LOXHD1: variants seen among roughly 807,000 people sequenced by gnomAD.
LOXHD1 encodes the protein lipoxygenase homology domain-containing protein 1.
LOXHD1 carries 205 observed loss-of-function variants against 248.2 expected under a neutral mutation model. That is an observed-to-expected ratio of 0.83 (90% confidence interval 0.74 to 0.93). The LOEUF (loss-of-function observed/expected upper bound fraction) is 0.93, where lower values mean the gene tolerates loss of function less well. Ranked by LOEUF, LOXHD1 falls within the 40% of genes least tolerant of loss-of-function variation. The pLI, the probability that LOXHD1 is intolerant of heterozygous loss-of-function variation, is 0.00. For missense variants in LOXHD1, 2,930 were observed against 2,971.6 expected (o/e 0.99, Z 0.33); for synonymous variants, 1,113 against 1,162.8 (o/e 0.96, Z 0.87).
At chr18:46,499,370 T>A in intron 37 of LOXHD1, among the ~76,000 whole-genome samples, 1 of 152,210 alleles carries the variant, frequency 6.6e-6, no homozygotes, top group Non-Finnish European at 1.5e-5. Flanking sequence ...TCTATGAATG[T>A]CTGTTAGCTT....
At position 46,577,819 on chromosome 18, in the gene LOXHD1, C is replaced by T; in HGVS notation, c.1858G>A (p.Val620Met). The T allele has an allele frequency of 6.4e-7, 1 of 1,551,736 alleles. No individual in the cohort carries two copies. The highest frequency in any genetic ancestry group is 8.7e-7 in the Non-Finnish European group (1 of 1,147,012). Reference sequence around the variant, plus strand: ...CCTTTGCCATCGTGTCTGATCCTCACCCGCCTCACATTCCGCATGGTGACA... The same window carrying T: ...CCTTTGCCATCGTGTCTGATCCTCATCCGCCTCACATTCCGCATGGTGACA... ...ESVTMRNVRR[V>M]RIRHDGKGSG... The change falls in exon 14 of 41, where the codon GTG becomes ATG. Residue 620 changes from valine to methionine, a missense_variant. By Grantham distance (21) the Val-to-Met change is conservative. Transcript: ENST00000642948.
chr18:46,649,243 C>T lies in LOXHD1; in HGVS notation c.157G>A (p.Asp53Asn), dbSNP rs757225410. 1 of 1,551,880 alleles carries T rather than the reference C, an allele frequency of 6.4e-7. No homozygotes were observed. The highest frequency in any genetic ancestry group is 1.2e-5 in the South Asian group (1 of 84,040). ...GCATCCGTCCCTGCACCGCGAACAT[C>T]CCCCGTGGCTGTGACCACTTCATAC... is the stretch of plus-strand genomic sequence containing the variant. ...RVYEVVTATGDVRGAGTDANV... is the reference protein window; with the variant it reads ...RVYEVVTATGNVRGAGTDANV... The change falls in exon 2 of 41, where the codon GAT (aspartate) becomes AAT (asparagine). Residue 53 changes from aspartate to asparagine, a missense_variant. Transcript: ENST00000642948.
At chr18:46,505,426 T>G (rs2034499565) in intron 37 of LOXHD1, among the ~76,000 whole-genome samples, 1 of 152,134 alleles carries the variant, frequency 6.6e-6, no homozygotes, top group Non-Finnish European at 1.5e-5. Flanking sequence ...CAAGCAATCC[T>G]CTCACCTTGG....
Position 46,610,898 on chromosome 18 carries a change from C to T in LOXHD1, c.637G>A (p.Asp213Asn), listed in dbSNP as rs1279786151. ...TCTTCAGCTCCCTTTTCAAAGTTGT[C>T]CTTTTCATTTTCTAGCCTACGCTCC... ...TGERRLENEK[D>N]NFEKGAEDRF... The change falls in exon 6 of 41, where the codon GAC (aspartate) becomes AAC (asparagine). Residue 213 changes from aspartate (D) to asparagine (N), a missense_variant. Coordinates refer to ENST00000642948, the MANE Select transcript of LOXHD1 (RefSeq NM_001384474.1). The T allele has an allele frequency of 6.4e-7, 1 of 1,551,758 alleles. No individual in the cohort carries two copies. Among genetic ancestry groups the T allele is most frequent in the East Asian group, 2.4e-5 (1 of 40,936 alleles).
chr18:46,632,071 G>C (rs1379058269), intron 4 of LOXHD1, among the ~76,000 whole-genome samples: 1 of 152,218 alleles, frequency 6.6e-6, no homozygotes, highest in Non-Finnish European at 1.5e-5. Context: ...CAGTGGGGAG[G>C]CACTCTGTGC....
rs776148000 is a variant in LOXHD1 at position 46,610,881 on chromosome 18, TCCCTTTTCAAAGTTG to T, written c.639_653del (p.Asp213_Gly218delinsGlu). The stretch of plus-strand genomic sequence containing the variant: ...CATCCAGGATGAACCTGTCTTCAGC[TCCCTTTTCAAAGTTG>T]TCCTTTTCATTTTCTAGCCTACGCT... On this transcript the variant is annotated inframe_deletion, in exon 6 of 41. Coordinates refer to ENST00000642948, the MANE Select transcript of LOXHD1 (RefSeq NM_001384474.1). 1.3e-5 allele frequency: 20 copies of T among 1,551,794 alleles called. No individual in the cohort carries two copies. The African/African-American group carries it at 2.5e-4, about 19-fold the overall frequency.
intron 15 of LOXHD1, 28 bp from the exon 16 acceptor site, chr18:46,569,666 G>T: frequency 1.3e-6 from 2 of 1,535,490 alleles, no homozygotes; most frequent in South Asian, 1.2e-5. Context: ...GAGGGAGGAA[G>T]GGAAGGGGTT....
At chr18:46,545,908 C>T (rs957683981) in intron 22 of LOXHD1, among the ~76,000 whole-genome samples, 1 of 149,762 alleles carries the variant, frequency 6.7e-6, no homozygotes, top group Non-Finnish European at 1.5e-5. Flanking sequence ...GGATTACAGG[C>T]GTGAGCCACC....
intron 15 of LOXHD1, among the ~76,000 whole-genome samples, chr18:46,571,383 T>C (rs2037748926): frequency 6.6e-6 from 1 of 152,116 alleles, no homozygotes; most frequent in Admixed American, 6.5e-5. Flanking sequence ...GACAGGAGGA[T>C]CACCTGAGCC....
chr18:46,554,649 G>A (rs2037245300), intron 21 of LOXHD1, among the ~76,000 whole-genome samples: 2 of 152,038 alleles, frequency 1.3e-5, no homozygotes, highest in Admixed American at 6.6e-5. Flanking sequence ...GAAAGAGATG[G>A]GGAGGGAAGA....
chr18:46,542,951 T>C, intron 23 of LOXHD1, 96 bp from the exon 24 acceptor site: 2 of 1,495,382 alleles, frequency 1.3e-6, no homozygotes, highest in Non-Finnish European at 1.8e-6. Flanking sequence ...AATGACCAAA[T>C]TTCTGAACTT....
chr18:46,568,862 GTTCAGCTTTCTC>G (rs1048832514), intron 16 of LOXHD1, among the ~76,000 whole-genome samples: 4 of 152,158 alleles, frequency 2.6e-5, no homozygotes, highest in African/African-American at 9.7e-5. Flanking sequence ...CTGCTTTACT[GTTCAGCTTTCTC>G]TTTGATGAAG....
intron 25 of LOXHD1, among the ~76,000 whole-genome samples, chr18:46,540,654 C>CTTTTT (rs60099172): frequency 0.051 from 4,623 of 91,320 alleles, 197 homozygotes; most frequent in East Asian, 0.098. Flanking sequence ...AACTCTTTAT[C>CTTTTT]TTTTTTTTTT....
intron 2 of LOXHD1, among the ~76,000 whole-genome samples, chr18:46,648,257 C>G (rs1261777750): frequency 6.6e-6 from 1 of 151,700 alleles, no homozygotes; most frequent in African/African-American, 2.4e-5. Context: ...GACTCCATCT[C>G]AAAACAAAAC....
intron 11 of LOXHD1, 71 bp from the exon 12 acceptor site, chr18:46,592,139 C>T (rs566812936): frequency 6.5e-7 from 1 of 1,533,306 alleles, no homozygotes; most frequent in East Asian, 2.5e-5. Flanking sequence ...AGTCCCCATT[C>T]TGCTATCTCA....
chr18:46,648,452 A>T (rs2039061516), intron 2 of LOXHD1, among the ~76,000 whole-genome samples: 1 of 152,190 alleles, frequency 6.6e-6, no homozygotes, highest in Admixed American at 6.5e-5. Context: ...CCAGCTGATC[A>T]ATTCTGTTCC....
intron 5 of LOXHD1, among the ~76,000 whole-genome samples, chr18:46,615,766 T>C (rs1360738931): frequency 6.6e-6 from 1 of 152,228 alleles, no homozygotes; most frequent in East Asian, 1.9e-4. Flanking sequence ...GCATTTGGCC[T>C]ATCCATTATT....
intron 18 of LOXHD1, among the ~76,000 whole-genome samples, chr18:46,561,651 C>G (rs1235942647): frequency 6.6e-6 from 1 of 152,188 alleles, no homozygotes; most frequent in African/African-American, 2.4e-5. Context: ...AAGTCCAGAC[C>G]TAGATGAGAA....
At chr18:46,561,590 G>A (rs912776750) in intron 18 of LOXHD1, among the ~76,000 whole-genome samples, 7 of 152,176 alleles carry the variant, frequency 4.6e-5, no homozygotes, top group African/African-American at 1.7e-4. Flanking sequence ...TGAGTGCCAG[G>A]GCAAACTGAG....
Sources: gnomAD v4.1 joint callset for allele counts (sites outside exome capture counted in the v4.1 genomes callset) on GRCh38, gnomAD v4.1.1 for gene constraint, MANE v1.5 for transcripts, NCBI Gene and HGNC (gene_info 2026-07-23, HGNC 2026-07-21) for gene names.